Variants in CFAP61 observed in about 807,000 individuals in gnomAD.
CFAP61 encodes the protein cilia- and flagella-associated protein 61.
Under a neutral mutation model 135.6 loss-of-function variants are expected in CFAP61, and 107 were observed. The ratio of observed to expected loss-of-function variants is 0.79; its 90% CI spans 0.67 to 0.93. The LOEUF (loss-of-function observed/expected upper bound fraction) is 0.93. Among genes scored for constraint, CFAP61 ranks in the 40% least tolerant of loss-of-function variants. The probability of loss-of-function intolerance (pLI) is 0.00; values close to 1 mark genes in which losing one functional copy is unlikely to be tolerated. For synonymous variants in CFAP61, 575 were observed against 578.5 expected (o/e 0.99, Z 0.09); for missense variants, 1,507 against 1,556.2 (o/e 0.97, Z 0.53).
chr20:20,315,381 G>T, intron 25 of CFAP61, among the ~76,000 whole-genome samples: 1 of 151,924 alleles, frequency 6.6e-6, no homozygotes, highest in South Asian at 2.1e-4. Flanking sequence ...TTTTGATGGG[G>T]TTGTTTGTTT....
chr20:20,360,367 A>T lies in CFAP61; in HGVS notation c.3671A>T (p.Asn1224Ile), dbSNP rs1237511066. The change falls in exon 27 of 27, where the codon AAC (asparagine) becomes ATC (isoleucine). Residue 1224 changes from asparagine to isoleucine, a missense_variant. By Grantham distance (149) the Asn-to-Ile change is moderately radical. Coordinates refer to ENST00000245957, the MANE Select transcript of CFAP61 (RefSeq NM_015585.4). Reference protein sequence around the residue: ...ERSTLDYLHYNRYHLPMYAWP... With the variant: ...ERSTLDYLHYIRYHLPMYAWP... ...AGCACTCTTGACTACCTGCACTATA[A>T]CCGCTACCACCTGCCCATGTACGCG... 1 of 1,613,904 alleles carries T rather than the reference A, an allele frequency of 6.2e-7. No individual in the cohort carries two copies. The highest frequency in any genetic ancestry group is 1.7e-5 in the Admixed American group (1 of 60,026).
intron 21 of CFAP61, among the ~76,000 whole-genome samples, chr20:20,264,179 T>C (rs987321281): frequency 8.5e-5 from 13 of 152,200 alleles, no homozygotes; most frequent in Admixed American, 7.2e-4. Flanking sequence ...GCTGATACTA[T>C]TTATAGGCTA....
intron 25 of CFAP61, among the ~76,000 whole-genome samples, chr20:20,338,608 G>A (rs1467758223): frequency 1.3e-5 from 2 of 152,156 alleles, no homozygotes; most frequent in Admixed American, 6.5e-5. Flanking sequence ...GGCCAGGAAG[G>A]CCTTGGCCTT....
At chr20:20,077,708 T>C (rs1600479461) in intron 6 of CFAP61, among the ~76,000 whole-genome samples, 1 of 152,226 alleles carries the variant, frequency 6.6e-6, no homozygotes, top group Non-Finnish European at 1.5e-5. Context: ...AGAAGAGCCT[T>C]CCAGGTCATA....
Position 20,263,041 on chromosome 20 carries a change from A to G in CFAP61, c.2414A>G (p.Lys805Arg). ...AGCAGTCAGCGGCGGTACACGGGGA[A>G]AGTTCCTTGCAACCATTTCACTCTC... ...PNSSQRRYTG[K>R]VPCNHFTLNE... The change falls in exon 21 of 27, where the codon AAA becomes AGA. Residue 805 changes from lysine (K) to arginine (R), a missense_variant. Transcript: ENST00000245957. 1 of 1,614,138 alleles carries G rather than the reference A, an allele frequency of 6.2e-7. No individual in the cohort carries two copies. The highest frequency in any genetic ancestry group is 1.7e-5 in the Admixed American group (1 of 60,026).
intron 17 of CFAP61, among the ~76,000 whole-genome samples, chr20:20,204,563 A>G (rs2056777251): frequency 1.3e-5 from 2 of 152,176 alleles, no homozygotes; most frequent in South Asian, 4.1e-4. Flanking sequence ...CTGCTGCCCT[A>G]GGAAATTGCA....
chr20:20,158,174 T>C (rs1377149127), intron 9 of CFAP61, among the ~76,000 whole-genome samples: 1 of 151,704 alleles, frequency 6.6e-6, no homozygotes, highest in Non-Finnish European at 1.5e-5. Context: ...CGCACCACCA[T>C]GGCACATGTA....
At chr20:20,220,097 G>A (rs182899356) in intron 17 of CFAP61, 1 of 152,534 alleles carries the variant, frequency 6.6e-6, no homozygotes, top group Admixed American at 6.5e-5. Flanking sequence ...GTCATTAGAG[G>A]GTTGGAACTT....
At position 20,052,547 on chromosome 20, in the gene CFAP61, C is replaced by T. The variant is rs1441231867; in HGVS notation, c.-81C>T. On this transcript the variant is annotated 5_prime_UTR_variant, in exon 1 of 27. Transcript: ENST00000245957. ...CATGGTGACCAGGCTGCGCGTCCTCCTTGCGGCAGCGCGTGGAGTGCGGCG... is the reference window on the plus strand; with the variant it reads ...CATGGTGACCAGGCTGCGCGTCCTCTTTGCGGCAGCGCGTGGAGTGCGGCG... 4 of 1,614,174 alleles carry T rather than the reference C, an allele frequency of 2.5e-6. No individual in the cohort carries two copies. Among genetic ancestry groups the T allele is most frequent in the Non-Finnish European group, 3.4e-6 (4 of 1,180,006 alleles).
chr20:20,306,269 G>A (rs1447136623), intron 25 of CFAP61, among the ~76,000 whole-genome samples: 5 of 152,210 alleles, frequency 3.3e-5, no homozygotes, highest in African/African-American at 1.2e-4. Flanking sequence ...CAAAATGAAT[G>A]TTCAGAGAAA....
chr20:20,126,166 CTA>C lies in CFAP61; in HGVS notation c.860-16687_860-16686del, dbSNP rs1491128489. Among the ~76,000 whole-genome samples, 12 of 151,794 alleles carry C rather than the reference CTA, an allele frequency of 7.9e-5. No homozygotes were observed. In the South Asian group the frequency reaches 8.3e-4, roughly 10 times the overall value. Reference sequence around the variant, plus strand: ...GTGAGTTCTTATCAATTCTCCAGTTCTATATGTTTTAAGCGGAACATTTAGGC... The same window carrying C: ...GTGAGTTCTTATCAATTCTCCAGTTCTATGTTTTAAGCGGAACATTTAGGC... On this transcript the variant is annotated intron_variant, in intron 8 of 26. Coordinates refer to ENST00000245957, the MANE Select transcript of CFAP61 (RefSeq NM_015585.4).
At chr20:20,273,429 A>G (rs2053514317) in intron 21 of CFAP61, among the ~76,000 whole-genome samples, 1 of 152,126 alleles carries the variant, frequency 6.6e-6, no homozygotes, top group East Asian at 1.9e-4. Flanking sequence ...CTGTGACTGG[A>G]TAGTTCTTAT....
chr20:20,196,418 A>G (rs1270961658), intron 15 of CFAP61, 152 bp from the exon 16 acceptor site: 1 of 638,108 alleles, frequency 1.6e-6, no homozygotes, highest in Non-Finnish European at 2.7e-6. Flanking sequence ...TAATTTAAAG[A>G]ATTTACCATG....
intron 9 of CFAP61, among the ~76,000 whole-genome samples, chr20:20,148,582 G>T (rs1334780081): frequency 6.6e-6 from 1 of 151,976 alleles, no homozygotes; most frequent in Non-Finnish European, 1.5e-5. Flanking sequence ...TTCTCAGCTT[G>T]GTCATTGTTG....
At chr20:20,084,739 A>T (rs1331579544) in intron 6 of CFAP61, among the ~76,000 whole-genome samples, 1 of 152,108 alleles carries the variant, frequency 6.6e-6, no homozygotes, top group Non-Finnish European at 1.5e-5. Flanking sequence ...GTTTGTCCTC[A>T]CTTCTCCCCA....
chr20:20,098,652 C>G lies in CFAP61; in HGVS notation c.700-3C>G. Reference sequence around the variant, plus strand: ...GAATAATGAGGTGTTTTGGATATTTCAGGTGGAAGGCACAGCTGTTGGGTT... The same window carrying G: ...GAATAATGAGGTGTTTTGGATATTTGAGGTGGAAGGCACAGCTGTTGGGTT... On this transcript the variant is annotated splice_region_variant and splice_polypyrimidine_tract_variant and intron_variant, in intron 7 of 26. Coordinates refer to ENST00000245957, the MANE Select transcript of CFAP61 (RefSeq NM_015585.4). 6.7e-7 allele frequency: 1 copy of G among 1,484,660 alleles called. No homozygotes were observed. The highest frequency in any genetic ancestry group is 1.2e-5 in the South Asian group (1 of 82,206). The allele number at this position is 1,484,660 out of a possible 1,614,324, so 92.0% of individuals were successfully genotyped here. A position where few individuals can be genotyped will look rare whatever the true frequency, so the allele number is the denominator to read the frequency against.
At chr20:20,287,300 C>G (rs1411572481) in intron 22 of CFAP61, among the ~76,000 whole-genome samples, 3 of 152,224 alleles carry the variant, frequency 2.0e-5, no homozygotes, top group South Asian at 4.1e-4. Flanking sequence ...GAGGGAGGAC[C>G]AAGGACATCA....
chr20:20,271,314 C>T (rs1406792580), intron 21 of CFAP61, among the ~76,000 whole-genome samples: 1 of 152,104 alleles, frequency 6.6e-6, no homozygotes, highest in Non-Finnish European at 1.5e-5. Context: ...AAAACAAAAA[C>T]AAAAAGGTCA....
At chr20:20,324,716 G>C (rs6046792) in intron 25 of CFAP61, among the ~76,000 whole-genome samples, 96,893 of 152,036 alleles carry the variant, frequency 0.64, 32,030 homozygotes, top group East Asian at 0.95. Context: ...TTCTCCCCAT[G>C]CTCATGAACA....
Sources: gnomAD v4.1 joint callset for allele counts (sites outside exome capture counted in the v4.1 genomes callset) on GRCh38, gnomAD v4.1.1 for gene constraint, MANE v1.5 for transcripts, NCBI Gene and HGNC (gene_info 2026-07-23, HGNC 2026-07-21) for gene names.